The following DMD variants were observed in gnomAD, a reference collection of about 807,000 sequenced individuals.
The protein encoded by DMD is mutant dystrophin.
A neutral mutation model predicts 330.1 loss-of-function variants in DMD; 63 were observed. The ratio of observed to expected loss-of-function variants is 0.19; its 90% CI spans 0.16 to 0.24. The LOEUF is 0.24. DMD is among the 10% of genes least tolerant of loss of function. DMD has a pLI of 1.00. For synonymous variants in DMD, 1,223 were observed against 959.8 expected (o/e 1.27, Z -5.07); for missense variants, 3,344 against 2,684.1 (o/e 1.25, Z -5.43).
intron 44 of DMD, among the ~76,000 whole-genome samples, chrX:32,051,163 T>C (rs941571835): frequency 1.8e-5 from 2 of 109,538 alleles, no homozygotes; most frequent in African/African-American, 3.3e-5. Context: ...TTTTTTCAAA[T>C]GGAAATGTAT....
Position 32,852,473 on chromosome X carries a change from T to G in DMD, c.94-2653A>C, listed in dbSNP as rs978236102. Among the ~76,000 whole-genome samples the G allele has an allele frequency of 5.4e-5, 6 of 111,210 alleles. No individual in the cohort carries two copies. The East Asian group carries it at 1.4e-3, about 27-fold the overall frequency. Reference sequence around the variant, plus strand: ...TGGCCCAATGCATTCCCAAGTGTGGTGGCCATGGGGATATACTCCTTGTGC... The same window carrying G: ...TGGCCCAATGCATTCCCAAGTGTGGGGGCCATGGGGATATACTCCTTGTGC... On this transcript the variant is annotated intron_variant, in intron 2 of 78. Transcript: ENST00000357033.
At chrX:31,203,375 G>A (rs1449262671) in intron 67 of DMD, among the ~76,000 whole-genome samples, 5 of 109,175 alleles carry the variant, frequency 4.6e-5, no homozygotes, top group Non-Finnish European at 7.6e-5. Context: ...GGGAAGAAGA[G>A]GGTGTTTCTG....
intron 71 of DMD, among the ~76,000 whole-genome samples, chrX:31,174,160 C>T (rs2040278249): frequency 9.0e-6 from 1 of 111,484 alleles, no homozygotes; most frequent in African/African-American, 3.2e-5. Flanking sequence ...TCCAATTCAG[C>T]AGCAAGACTA....
At chrX:32,142,023 A>C (rs1453452218) in intron 44 of DMD, among the ~76,000 whole-genome samples, 3 of 111,563 alleles carry the variant, frequency 2.7e-5, no homozygotes, top group African/African-American at 9.8e-5. Flanking sequence ...ACCTTCCTTC[A>C]TGGTGCTTAC....
chrX:32,412,017 AC>A, intron 29 of DMD, 104 bp from the exon 30 acceptor site: 1 of 1,192,082 alleles, frequency 8.4e-7, no homozygotes, highest in Non-Finnish European at 1.1e-6. Context: ...TTCCACAATC[AC>A]CTTTTTGTAA....
At chrX:32,695,453 A>G (rs73209879) in intron 9 of DMD, among the ~76,000 whole-genome samples, 7 of 111,830 alleles carry the variant, frequency 6.3e-5, no homozygotes, top group Non-Finnish European at 1.1e-4. Flanking sequence ...AAATATTAAT[A>G]TATCATAAAT....
rs2059648014 is a variant in DMD at position 32,644,259 on chromosome X, A to G, written c.1204T>C (p.Leu402=). 1.7e-6 allele frequency: 2 copies of G among 1,209,086 alleles called. No individual in the cohort carries two copies. Among genetic ancestry groups the G allele is most frequent in the African/African-American group, 3.5e-5 (2 of 56,966 alleles). The change falls in exon 11 of 79, where the codon TTG becomes CTG. Residue 402 remains leucine, a synonymous_variant. Transcript: ENST00000357033. ...CCTGTTCCAATCAGCTTACTTCCCA[A>G]TTGTAGAATATTACCAACCCGGCCC... ...HQGRVGNILQ[L]GSKLIGTGKL...
At chrX:31,926,412 C>T (rs2149969565) in intron 47 of DMD, among the ~76,000 whole-genome samples, 1 of 111,596 alleles carries the variant, frequency 9.0e-6, no homozygotes, top group East Asian at 2.8e-4. Flanking sequence ...CGCGGTGGCT[C>T]ACACCTGTAA....
intron 2 of DMD, among the ~76,000 whole-genome samples, chrX:32,988,226 T>A (rs2092896036): frequency 9.0e-6 from 1 of 111,217 alleles, no homozygotes; most frequent in Non-Finnish European, 1.9e-5. Flanking sequence ...ATAATCATGA[T>A]AGCAACCAAA....
At chrX:33,065,790 G>T (rs1432524338) in intron 1 of DMD, among the ~76,000 whole-genome samples, 1 of 112,240 alleles carries the variant, frequency 8.9e-6, no homozygotes, top group Non-Finnish European at 1.9e-5. Flanking sequence ...CTATATGACA[G>T]ATGTCATATT....
At chrX:32,778,414 C>G (rs1026411338) in intron 7 of DMD, among the ~76,000 whole-genome samples, 2 of 110,823 alleles carry the variant, frequency 1.8e-5, no homozygotes, top group African/African-American at 3.3e-5. Flanking sequence ...TACAACAGAC[C>G]AGAGCTAAGA....
chrX:32,704,823 G>A (rs2064459197), intron 7 of DMD, among the ~76,000 whole-genome samples: 1 of 111,960 alleles, frequency 8.9e-6, no homozygotes, highest in Admixed American at 9.5e-5. Context: ...AAACAGAAAG[G>A]CCTATATGTT....
intron 11 of DMD, among the ~76,000 whole-genome samples, chrX:32,631,000 G>A (rs2058693987): frequency 9.0e-6 from 1 of 111,491 alleles, no homozygotes; most frequent in Admixed American, 9.5e-5. Context: ...AAGGTTCTTG[G>A]GTGTTGTGAT....
chrX:32,682,628 C>A (rs967932928), intron 9 of DMD, among the ~76,000 whole-genome samples: 1 of 111,783 alleles, frequency 8.9e-6, no homozygotes, highest in Admixed American at 9.5e-5. Flanking sequence ...GAGAGCATGG[C>A]CATGTTTTTA....
intron 7 of DMD, among the ~76,000 whole-genome samples, chrX:32,751,215 A>G (rs1303793388): frequency 1.8e-5 from 2 of 111,372 alleles, no homozygotes; most frequent in Non-Finnish European, 3.8e-5. Flanking sequence ...ACAGTTTGAG[A>G]GCTCAGAAGA....
intron 60 of DMD, chrX:31,435,467 A>G (rs935204859): frequency 4.5e-5 from 5 of 112,066 alleles, no homozygotes; most frequent in African/African-American, 1.6e-4. Flanking sequence ...AGTGATCATT[A>G]TATTAAGGAC....
chrX:32,722,510 C>T (rs1407319148), intron 7 of DMD, among the ~76,000 whole-genome samples: 4 of 109,917 alleles, frequency 3.6e-5, no homozygotes, highest in Non-Finnish European at 5.7e-5. Context: ...ACCCATGTCC[C>T]GTGGATACCA....
At chrX:32,667,291 G>C (rs1023508515) in intron 9 of DMD, among the ~76,000 whole-genome samples, 1 of 111,607 alleles carries the variant, frequency 9.0e-6, no homozygotes, top group Admixed American at 9.5e-5. Flanking sequence ...GTAAACAGAA[G>C]AGACAACTGT....
intron 1 of DMD, among the ~76,000 whole-genome samples, chrX:33,076,506 G>A (rs147344048): frequency 0.073 from 8,130 of 111,043 alleles, 752 homozygotes; most frequent in African/African-American, 0.25. Context: ...CGAGTGTCTG[G>A]TGTGCCTGGG....
Sources: allele counts gnomAD v4.1 joint callset (sites outside exome capture counted in the v4.1 genomes callset), GRCh38; gene constraint gnomAD v4.1.1; transcripts MANE v1.5; gene names NCBI Gene and HGNC (gene_info 2026-07-23, HGNC 2026-07-21).